CDK8: variants seen among roughly 807,000 people sequenced by gnomAD.
The protein encoded by CDK8 is cyclin dependent kinase 8.
In CDK8, 29 loss-of-function variants were observed where a neutral mutation model predicts 71.5. The observed-to-expected ratio is 0.41, with a 90% CI of 0.30 to 0.55. The LOEUF (loss-of-function observed/expected upper bound fraction) is 0.55. Among genes scored for constraint, CDK8 ranks in the 20% least tolerant of loss-of-function variants. CDK8 has a pLI of 0.37. For synonymous variants in CDK8, 161 were observed against 192.1 expected (o/e 0.84, Z 1.34); for missense variants, 288 against 572.6 (o/e 0.50, Z 5.07).
intron 4 of CDK8, among the ~76,000 whole-genome samples, chr13:26,366,057 G>A (rs758452173): frequency 1.5e-4 from 23 of 152,162 alleles, no homozygotes; most frequent in East Asian, 3.9e-4. Flanking sequence ...GACTTCTGAA[G>A]ATTTGCAAAA....
chr13:26,376,267 A>C (rs1353667180), intron 4 of CDK8, among the ~76,000 whole-genome samples: 3 of 151,968 alleles, frequency 2.0e-5, no homozygotes, highest in Non-Finnish European at 4.4e-5. Context: ...TTGAAAGCTA[A>C]AAGTTTTCGA....
intron 1 of CDK8, among the ~76,000 whole-genome samples, chr13:26,323,032 T>C (rs1002955624): frequency 2.6e-4 from 40 of 152,174 alleles, no homozygotes; most frequent in African/African-American, 9.6e-4. Context: ...AATAGGTACA[T>C]AGAATTGAGT....
intron 1 of CDK8, among the ~76,000 whole-genome samples, chr13:26,307,722 G>A (rs943799440): frequency 2.6e-5 from 4 of 152,110 alleles, no homozygotes; most frequent in African/African-American, 4.8e-5. Flanking sequence ...GTTATATTTT[G>A]TATGAATGCC....
intron 4 of CDK8, among the ~76,000 whole-genome samples, chr13:26,361,768 CTT>C (rs2138011995): frequency 1.1e-5 from 1 of 88,660 alleles, no homozygotes; most frequent in East Asian, 3.2e-4. Context: ...TTCTTTTTGT[CTT>C]TCTTTTCTTT....
At chr13:26,353,061 T>A (rs1873748607) in intron 3 of CDK8, among the ~76,000 whole-genome samples, 1 of 152,096 alleles carries the variant, frequency 6.6e-6, no homozygotes, top group South Asian at 2.1e-4. Context: ...AGAAAATGAG[T>A]CCTATCAAGA....
At chr13:26,371,933 C>A (rs902572452) in intron 4 of CDK8, among the ~76,000 whole-genome samples, 4 of 151,976 alleles carry the variant, frequency 2.6e-5, no homozygotes, top group African/African-American at 7.3e-5. Context: ...TTGACATTTT[C>A]TATCAGATTA....
intron 5 of CDK8, 82 bp downstream of exon 5, chr13:26,382,953 A>G (rs958738811): frequency 1.8e-5 from 14 of 772,672 alleles, no homozygotes; most frequent in Non-Finnish European, 2.7e-5. Flanking sequence ...AATTTTTGCT[A>G]TAATATGCAT....
At chr13:26,275,537 A>G (rs977516143) in intron 1 of CDK8, among the ~76,000 whole-genome samples, 1 of 152,186 alleles carries the variant, frequency 6.6e-6, no homozygotes, top group African/African-American at 2.4e-5. Context: ...TATTTGTGAC[A>G]TATGAAAATT....
chr13:26,357,460 A>G (rs1301815732), intron 4 of CDK8, among the ~76,000 whole-genome samples: 1 of 152,202 alleles, frequency 6.6e-6, no homozygotes, highest in Non-Finnish European at 1.5e-5. Flanking sequence ...GTAAATAAGA[A>G]CAAAGTTATG....
chr13:26,404,140 T>A lies in CDK8; in HGVS notation c.*59T>A. 1 of 1,591,332 alleles carries A rather than the reference T, an allele frequency of 6.3e-7. No homozygotes were observed. The highest frequency in any genetic ancestry group is 1.7e-5 in the Admixed American group (1 of 59,128). Reference sequence around the variant, plus strand: ...AATGCTGCAGGGCTGACTGTGCAGCTCTCTGCGGGAACCTGGTATGGGCCA... The same window carrying A: ...AATGCTGCAGGGCTGACTGTGCAGCACTCTGCGGGAACCTGGTATGGGCCA... On this transcript the variant is annotated 3_prime_UTR_variant, in exon 13 of 13. Transcript: ENST00000381527.
Position 26,404,722 on chromosome 13 carries a change from A to G in CDK8, c.*641A>G, listed in dbSNP as rs1650541184. 1 of 226,446 alleles carries G rather than the reference A, an allele frequency of 4.4e-6. No homozygotes were observed. Among genetic ancestry groups the G allele is most frequent in the Non-Finnish European group, 8.8e-6 (1 of 114,058 alleles). The allele number at this position is 226,446 out of a possible 1,614,324, so 14.0% of individuals were successfully genotyped here. On this transcript the variant is annotated 3_prime_UTR_variant, in exon 13 of 13. Transcript: ENST00000381527. ...CCCAAAGATTAACTTCCAACTTATAAGTTTGTTTTTATTTTCAATCTATGA... is the reference window on the plus strand; with the variant it reads ...CCCAAAGATTAACTTCCAACTTATAGGTTTGTTTTTATTTTCAATCTATGA...
At chr13:26,261,739 G>A (rs1429966630) in intron 1 of CDK8, among the ~76,000 whole-genome samples, 2 of 152,008 alleles carry the variant, frequency 1.3e-5, no homozygotes, top group Admixed American at 6.6e-5. Context: ...CCACTTTTTG[G>A]CTAAAATGAA....
intron 6 of CDK8, among the ~76,000 whole-genome samples, chr13:26,387,843 C>G (rs1436127310): frequency 6.6e-6 from 1 of 152,148 alleles, no homozygotes; most frequent in Non-Finnish European, 1.5e-5. Flanking sequence ...AAATAGCACC[C>G]TACCTCCGCC....
chr13:26,262,168 C>T (rs1286814655), intron 1 of CDK8, among the ~76,000 whole-genome samples: 1 of 152,202 alleles, frequency 6.6e-6, no homozygotes, highest in African/African-American at 2.4e-5. Flanking sequence ...ACATACAACT[C>T]CAATAAGTCC....
rs1184229873 is a variant in CDK8 at position 26,401,845 on chromosome 13, T to C, written c.1269+221T>C. On this transcript the variant is annotated intron_variant, in intron 12 of 12. Coordinates refer to ENST00000381527, the MANE Select transcript of CDK8 (RefSeq NM_001260.3). The surrounding 1 kb of genome is among the most constrained non-coding windows in gnomAD (Gnocchi z 4.5). ...GAATGATCAAATACAAATTATGCCA[T>C]TTATTAACTGTGTGACCTTGGACAA... Among the ~76,000 whole-genome samples the C allele has an allele frequency of 6.6e-6, 1 of 152,228 alleles. No individual in the cohort carries two copies. Among genetic ancestry groups the C allele is most frequent in the East Asian group, 1.9e-4 (1 of 5,198 alleles).
Position 26,254,595 on chromosome 13 carries a change from G to C in CDK8, c.-47G>C. 3.6e-5 allele frequency: 43 copies of C among 1,194,216 alleles called. No homozygotes were observed. The highest frequency in any genetic ancestry group is 1.7e-4 in the Admixed American group (8 of 46,156). 74.0% of individuals were successfully genotyped at this position (1,194,216 alleles called of 1,614,324 possible). The stretch of plus-strand genomic sequence containing the variant: ...CCGTGCTTCCCCGGTCCCCACCCCT[G>C]CCCCCCGGCCCCCCGACCCAGCTCT... On this transcript the variant is annotated 5_prime_UTR_variant, in exon 1 of 13. Transcript: ENST00000381527. The surrounding 1 kb of genome is among the most constrained non-coding windows in gnomAD (Gnocchi z 6.7).
intron 1 of CDK8, among the ~76,000 whole-genome samples, chr13:26,331,222 C>T (rs114818676): frequency 7.2e-5 from 11 of 152,048 alleles, no homozygotes; most frequent in African/African-American, 1.9e-4. Flanking sequence ...TTTCATATAC[C>T]TGTTGGATCT....
rs193224829 is a variant in CDK8 at position 26,294,997 on chromosome 13, C to T, written c.128+40228C>T. Among the ~76,000 whole-genome samples the T allele has an allele frequency of 5.3e-5, 8 of 152,250 alleles. No individual in the cohort carries two copies. In the East Asian group the frequency reaches 1.2e-3, roughly 22 times the overall value. On this transcript the variant is annotated intron_variant, in intron 1 of 12. Transcript: ENST00000381527. ...TCCCTTGACCTCGTGATCTGCCCCT[C>T]GGCCTCCCAAAGTGCTGGGATTACA... is the stretch of plus-strand genomic sequence containing the variant.
chr13:26,305,906 T>G (rs1874021526), intron 1 of CDK8, among the ~76,000 whole-genome samples: 1 of 152,244 alleles, frequency 6.6e-6, no homozygotes, highest in South Asian at 2.1e-4. Flanking sequence ...CTCCTCTATT[T>G]GGAGCCCTTA....
Sources: gnomAD v4.1 joint callset for allele counts (sites outside exome capture counted in the v4.1 genomes callset) on GRCh38, gnomAD v4.1.1 for gene constraint, Gnocchi (gnomAD v3.1) non-coding constraint, MANE v1.5 for transcripts, NCBI Gene and HGNC (gene_info 2026-07-23, HGNC 2026-07-21) for gene names.